Variants in MATN4 observed in about 807,000 individuals in gnomAD.
MATN4 encodes the protein matrilin 4.
In MATN4, 40 loss-of-function variants were observed where a neutral mutation model predicts 54.6. The observed-to-expected ratio is 0.73, with a 90% CI of 0.57 to 0.95. MATN4 has a LOEUF of 0.95. MATN4 is among the 40% of genes least tolerant of loss of function. The pLI is 0.00. For synonymous variants in MATN4, 351 were observed against 345.3 expected (o/e 1.02, Z -0.18); for missense variants, 810 against 819.1 (o/e 0.99, Z 0.13).
rs143565971 is a variant in MATN4 at position 45,296,627 on chromosome 20, G to GA, written c.1579+1290_1579+1291insT. ...AAGAGAAAAGTTAAGGTAGGTGTGG[G>GA]GTAAGTGACTCGTCCAAAGTCACAC... On this transcript the variant is annotated intron_variant, in intron 8 of 9. Coordinates refer to ENST00000372756, the MANE Select transcript of MATN4 (RefSeq NM_001393530.1). Among the ~76,000 whole-genome samples, 1,253 of 152,168 alleles carry GA rather than the reference G, an allele frequency of 8.2e-3. 17 individuals carry two copies. Among genetic ancestry groups the GA allele is most frequent in the African/African-American group, 0.028 (1,163 of 41,510 alleles).
chr20:45,306,593 G>A (rs962707691), intron 1 of MATN4, among the ~76,000 whole-genome samples: 2 of 152,246 alleles, frequency 1.3e-5, no homozygotes, highest in African/African-American at 4.8e-5. Context: ...GCCCTGTTGC[G>A]GGGCTGAGCG....
At chr20:45,304,922 T>G (rs567877392) in intron 2 of MATN4, 125 bp from the exon 3 acceptor site, 1 of 599,584 alleles carries the variant, frequency 1.7e-6, no homozygotes, top group South Asian at 2.2e-5. Context: ...CAAACGCAGA[T>G]TAGACAGATG....
chr20:45,308,314 C>A (rs1005928283), upstream of MATN4: 34 of 1,117,772 alleles, frequency 3.0e-5, no homozygotes, highest in Middle Eastern at 1.0e-3. Flanking sequence ...CACACAGAGG[C>A]AACGGCCGCA....
chr20:45,304,668 G>A lies in MATN4; in HGVS notation c.203C>T (p.Pro68Leu). The A allele has an allele frequency of 6.2e-7, 1 of 1,612,828 alleles. No individual in the cohort carries two copies. The change falls in exon 3 of 10, where the codon CCC becomes CTC. Residue 68 changes from proline (P) to leucine (L), a missense_variant. Physicochemically the swap from Pro to Leu is moderately conservative, Grantham distance 98. Transcript: ENST00000372756. ...MGLLRGLNVGPNATRVGVIQY... is the reference protein window; with the variant it reads ...MGLLRGLNVGLNATRVGVIQY... ...GATCACGCCAACGCGCGTGGCGTTG[G>A]GACCCACGTTCAGGCCTCGGAGGAG...
chr20:45,304,312 G>A lies in MATN4; in HGVS notation c.559C>T (p.Pro187Ser), dbSNP rs770144859. Reference sequence around the variant, plus strand: ...AGGAAGACGTGCTCGTCTAGCGGGGGCGATGCCATGGCGCGCAGGGAGCCC... The same window carrying A: ...AGGAAGACGTGCTCGTCTAGCGGGGACGATGCCATGGCGCGCAGGGAGCCC... ...DVGSLRAMASPPLDEHVFLVE... is the reference protein window; with the variant it reads ...DVGSLRAMASSPLDEHVFLVE... Residue 187 changes from proline (P) to serine (S), a missense_variant, in exon 3 of 10, where the codon CCC becomes TCC. Transcript: ENST00000372756. The A allele has an allele frequency of 5.9e-6, 9 of 1,531,510 alleles. No homozygotes were observed. The highest frequency in any genetic ancestry group is 7.9e-6 in the Non-Finnish European group (9 of 1,141,700). The allele number at this position is 1,531,510 out of a possible 1,614,324, so 94.9% of individuals were successfully genotyped here.
chr20:45,302,007 C>CGT (rs1164365068), intron 3 of MATN4, among the ~76,000 whole-genome samples: 1 of 151,910 alleles, frequency 6.6e-6, no homozygotes, highest in Non-Finnish European at 1.5e-5. Flanking sequence ...ATGAGTTTTT[C>CGT]GTGTGTGTGT....
At chr20:45,305,266 C>G (rs955022226) in intron 2 of MATN4, among the ~76,000 whole-genome samples, 1 of 152,148 alleles carries the variant, frequency 6.6e-6, no homozygotes, top group African/African-American at 2.4e-5. Context: ...TGGTTTTTTT[C>G]CATGTTTTCA....
intron 8 of MATN4, among the ~76,000 whole-genome samples, chr20:45,295,642 C>G (rs1432340915): frequency 1.3e-5 from 2 of 152,080 alleles, no homozygotes; most frequent in East Asian, 3.9e-4. Context: ...CCACCTCGGC[C>G]TCCCAAAGTG....
intron 1 of MATN4, chr20:45,307,048 A>G (rs1986768353): frequency 1.6e-6 from 1 of 644,992 alleles, no homozygotes; most frequent in African/African-American, 2.2e-5. Context: ...CTAAGCCCCA[A>G]GGAGGCAGCC....
At position 45,304,372 on chromosome 20, in the gene MATN4, C is replaced by T. The variant is rs1458206467; in HGVS notation, c.499G>A (p.Glu167Lys). Residue 167 changes from glutamate (E) to lysine (K), a missense_variant, in exon 3 of 10, where the codon GAA becomes AAA. Physicochemically the swap from Glu to Lys is moderately conservative, Grantham distance 56 (BLOSUM62 1). Transcript: ENST00000372756. ...VAAQARARGI[E>K]IYAVGVQRAD... ...CGCTGCACCCCCACCGCGTAAATTT[C>T]AATGCCGCGGGCGCGCGCCTGTGCC... 4 of 1,503,414 alleles carry T rather than the reference C, an allele frequency of 2.7e-6. No individual in the cohort carries two copies. Among genetic ancestry groups the T allele is most frequent in the South Asian group, 1.3e-5 (1 of 74,410 alleles). 93.1% of individuals were successfully genotyped at this position (1,503,414 alleles called of 1,614,324 possible).
At chr20:45,303,326 G>T in intron 3 of MATN4, 2 of 687,310 alleles carry the variant, frequency 2.9e-6, no homozygotes, top group Non-Finnish European at 5.5e-6. Flanking sequence ...TCTGATGTTG[G>T]GGCAATGGAG....
upstream of MATN4, chr20:45,308,308 C>G: frequency 5.0e-6 from 6 of 1,191,946 alleles, no homozygotes; most frequent in South Asian, 4.9e-5. Context: ...CTGGAGCACA[C>G]AGAGGCAACG....
chr20:45,307,116 T>C (rs1161775651), intron 1 of MATN4, among the ~76,000 whole-genome samples: 1 of 151,788 alleles, frequency 6.6e-6, no homozygotes, highest in Non-Finnish European at 1.5e-5. Context: ...TTCTCTCTCT[T>C]GAGGCCCCCT....
intron 8 of MATN4, among the ~76,000 whole-genome samples, chr20:45,295,299 C>T (rs969906055): frequency 2.6e-5 from 4 of 152,314 alleles, no homozygotes; most frequent in Non-Finnish European, 5.9e-5. Flanking sequence ...CCAGCAGCAT[C>T]GGCATCGTGT....
chr20:45,304,605 C>A lies in MATN4; in HGVS notation c.266G>T (p.Arg89Leu). The A allele has an allele frequency of 6.2e-7, 1 of 1,600,584 alleles. No individual in the cohort carries two copies. The highest frequency in any genetic ancestry group is 8.6e-7 in the Non-Finnish European group (1 of 1,169,384). The stretch of plus-strand genomic sequence containing the variant: ...CATGTCCTCGCGGCGAGAGAACGCG[C>A]GGAGAGGGAAGACGCTCTGCACTTG... The part of the protein sequence containing the change: ...SSQVQSVFPL[R>L]AFSRREDMER... Residue 89 changes from arginine (R) to leucine (L), a missense_variant, in exon 3 of 10, where the codon CGC (arginine) becomes CTC (leucine). Coordinates refer to ENST00000372756, the MANE Select transcript of MATN4 (RefSeq NM_001393530.1).
intron 1 of MATN4, among the ~76,000 whole-genome samples, chr20:45,306,359 A>T (rs920590317): frequency 1.3e-5 from 2 of 152,148 alleles, no homozygotes; most frequent in East Asian, 1.9e-4. Context: ...GGCAGGATAC[A>T]ATCCCACGCC....
chr20:45,304,139 C>T, intron 3 of MATN4, 89 bp downstream of exon 3: 1 of 1,215,866 alleles, frequency 8.2e-7, no homozygotes, highest in Non-Finnish European at 1.1e-6. Flanking sequence ...CGGGGCCACC[C>T]CCACGGGATG....
At chr20:45,303,079 TC>T (rs1409747052) in intron 3 of MATN4, among the ~76,000 whole-genome samples, 19 of 70,388 alleles carry the variant, frequency 2.7e-4, no homozygotes, top group Non-Finnish European at 2.9e-5. Flanking sequence ...CCAGACTCTG[TC>T]TCAAAAAAAA....
chr20:45,306,466 C>G (rs1178354486), intron 1 of MATN4, among the ~76,000 whole-genome samples: 1 of 152,234 alleles, frequency 6.6e-6, no homozygotes, highest in African/African-American at 2.4e-5. Flanking sequence ...GGCCCACTCC[C>G]CTACGCACAC....
Sources: gnomAD v4.1 joint callset for allele counts (sites outside exome capture counted in the v4.1 genomes callset) on GRCh38, gnomAD v4.1.1 for gene constraint, MANE v1.5 for transcripts, NCBI Gene and HGNC (gene_info 2026-07-23, HGNC 2026-07-21) for gene names.